Variants in TIAM1 observed in about 807,000 individuals in gnomAD.
TIAM1 encodes rho guanine nucleotide exchange factor TIAM1.
In TIAM1, 65 loss-of-function variants were observed where a neutral mutation model predicts 163.5. The observed-to-expected ratio is 0.40, with a 90% CI of 0.33 to 0.49. TIAM1 has a LOEUF of 0.49. Ranked by LOEUF, TIAM1 falls within the 20% of genes least tolerant of loss-of-function variation. The pLI is 0.77. For synonymous variants in TIAM1, 833 were observed against 810.1 expected, an observed-to-expected ratio of 1.03 and a Z score of -0.48; for missense variants, 1,789 against 2,044.7, an observed-to-expected ratio of 0.87 and a Z score of 2.41.
chr21:31,439,986 C>T (rs751000833), intron 2 of TIAM1, among the ~76,000 whole-genome samples: 1 of 152,122 alleles, frequency 6.6e-6, no homozygotes, highest in Non-Finnish European at 1.5e-5. Flanking sequence ...TCTTGATCAC[C>T]GGCAATGTAA....
At position 31,181,744 on chromosome 21, in the gene TIAM1, C is replaced by G. The variant is rs1291842086; in HGVS notation, c.2887+677G>C. ...TCTTATGTGATTCCCAGCACTTCTTCTTCTTCTTCTTCTTTTTTTTTTTTT... is the reference window on the plus strand; with the variant it reads ...TCTTATGTGATTCCCAGCACTTCTTGTTCTTCTTCTTCTTTTTTTTTTTTT... On this transcript the variant is annotated intron_variant, in intron 15 of 27. Coordinates refer to ENST00000541036, the MANE Select transcript of TIAM1 (RefSeq NM_001353694.2). Among the ~76,000 whole-genome samples the G allele has an allele frequency of 2.6e-3, 165 of 62,396 alleles. 15 individuals carry two copies. Among genetic ancestry groups the G allele is most frequent in the Admixed American group, 5.0e-3 (23 of 4,624 alleles). The allele number at this position is 62,396 out of a possible 152,430, so 40.9% of individuals were successfully genotyped here. A position where few individuals can be genotyped will look rare whatever the true frequency, so the allele number is the denominator to read the frequency against.
intron 2 of TIAM1, among the ~76,000 whole-genome samples, chr21:31,384,092 G>A (rs916763212): frequency 4.6e-5 from 7 of 152,092 alleles, no homozygotes; most frequent in Non-Finnish European, 8.8e-5. Context: ...TTCTTGTAAC[G>A]CACTCTGGGG....
chr21:31,200,241 G>GCC, intron 12 of TIAM1, among the ~76,000 whole-genome samples: 1 of 152,198 alleles, frequency 6.6e-6, no homozygotes, highest in East Asian at 1.9e-4. Context: ...GGAGGCTGAG[G>GCC]CAGGAGAATT....
At chr21:31,398,992 A>G (rs1444051534) in intron 2 of TIAM1, among the ~76,000 whole-genome samples, 2 of 152,214 alleles carry the variant, frequency 1.3e-5, no homozygotes, top group South Asian at 4.1e-4. Flanking sequence ...CTTAGCCAAC[A>G]TGGAGAAACC....
chr21:31,405,561 T>C (rs1182418944), intron 2 of TIAM1, among the ~76,000 whole-genome samples: 1 of 152,124 alleles, frequency 6.6e-6, no homozygotes, highest in African/African-American at 2.4e-5. Context: ...CAGTTCCACA[T>C]GGCTGGGGAG....
intron 1 of TIAM1, among the ~76,000 whole-genome samples, chr21:31,534,667 C>T (rs993584565): frequency 6.6e-6 from 1 of 152,068 alleles, no homozygotes; most frequent in Non-Finnish European, 1.5e-5. Context: ...GAGCAAGACT[C>T]TCTCTCAAAA....
chr21:31,476,878 AC>A (rs1254315369), intron 1 of TIAM1, among the ~76,000 whole-genome samples: 2 of 152,144 alleles, frequency 1.3e-5, no homozygotes, highest in Non-Finnish European at 2.9e-5. Context: ...TTAATCACTG[AC>A]CCATTCTGCA....
At chr21:31,419,462 C>G (rs1046912327) in intron 2 of TIAM1, among the ~76,000 whole-genome samples, 2 of 152,166 alleles carry the variant, frequency 1.3e-5, no homozygotes, top group Admixed American at 6.5e-5. Context: ...CTTGATCCTT[C>G]GGAGATACAA....
At chr21:31,393,471 A>C (rs1460824081) in intron 2 of TIAM1, among the ~76,000 whole-genome samples, 1 of 152,140 alleles carries the variant, frequency 6.6e-6, no homozygotes, top group African/African-American at 2.4e-5. Context: ...CACCCAGAAC[A>C]CGCCCAAGAG....
chr21:31,440,877 CA>C (rs781648395), intron 2 of TIAM1, among the ~76,000 whole-genome samples: 2 of 148,884 alleles, frequency 1.3e-5, no homozygotes, highest in African/African-American at 5.0e-5. Context: ...GAGACTGTTT[CA>C]AAAAAAAAGA....
At chr21:31,437,241 T>C (rs1393045531) in intron 2 of TIAM1, among the ~76,000 whole-genome samples, 1 of 152,138 alleles carries the variant, frequency 6.6e-6, no homozygotes, top group Non-Finnish European at 1.5e-5. Context: ...GTCACTAAAA[T>C]ATTATGGCTG....
chr21:31,447,928 C>G (rs2044688756), intron 2 of TIAM1, among the ~76,000 whole-genome samples: 1 of 152,072 alleles, frequency 6.6e-6, no homozygotes, highest in Admixed American at 6.6e-5. Flanking sequence ...AGTTCCAGTC[C>G]AAGGCTGAAA....
chr21:31,520,643 A>C (rs1039017170), intron 1 of TIAM1, among the ~76,000 whole-genome samples: 8 of 152,226 alleles, frequency 5.3e-5, no homozygotes, highest in African/African-American at 1.9e-4. Context: ...AATATGAATG[A>C]TCGCAAAGCG....
chr21:31,124,285 G>T, intron 27 of TIAM1: 1 of 418,844 alleles, frequency 2.4e-6, no homozygotes, highest in Non-Finnish European at 4.0e-6. Context: ...AAAGGAGAAG[G>T]GAGGCAAAGG....
chr21:31,414,406 G>T (rs1039955952), intron 2 of TIAM1, among the ~76,000 whole-genome samples: 5 of 152,172 alleles, frequency 3.3e-5, no homozygotes, highest in African/African-American at 1.2e-4. Flanking sequence ...AATCCCAAAG[G>T]ATATGAAAAG....
intron 1 of TIAM1, among the ~76,000 whole-genome samples, chr21:31,540,258 G>A (rs563243077): frequency 2.0e-5 from 3 of 150,584 alleles, no homozygotes; most frequent in East Asian, 4.0e-4. Context: ...CGTGGCATGC[G>A]CCTGTAATCC....
Position 31,154,410 on chromosome 21 carries a change from G to A in TIAM1, c.3008C>T (p.Ala1003Val), listed in dbSNP as rs1601322810. ...DHSSKSTEQV[A>V]AFCRSLHEMN... Reference sequence around the variant, plus strand: ...CTCATGCAAACTGCGGCAAAATGCGGCCACCTGTTCTGTACTCTTCGGAGC... The same window carrying A: ...CTCATGCAAACTGCGGCAAAATGCGACCACCTGTTCTGTACTCTTCGGAGC... Residue 1003 changes from alanine to valine, a missense_variant, in exon 17 of 28, where the codon GCC becomes GTC. Ala to Val is a moderately conservative substitution (Grantham distance 64). Transcript: ENST00000541036. 5 of 1,614,020 alleles carry A rather than the reference G, an allele frequency of 3.1e-6. No homozygotes were observed. Among genetic ancestry groups the A allele is most frequent in the Non-Finnish European group, 4.2e-6 (5 of 1,179,986 alleles).
chr21:31,372,483 C>A (rs991338840), intron 2 of TIAM1, among the ~76,000 whole-genome samples: 5 of 152,126 alleles, frequency 3.3e-5, no homozygotes, highest in Admixed American at 1.3e-4. Context: ...TCAGCCGGAA[C>A]CTAAGAACCA....
At chr21:31,366,639 C>G (rs540160439) in intron 2 of TIAM1, among the ~76,000 whole-genome samples, 16 of 152,092 alleles carry the variant, frequency 1.1e-4, no homozygotes, top group Non-Finnish European at 2.4e-4. Context: ...TTTTTTCAGA[C>G]AGAGTCTTGC....
Sources: gnomAD v4.1 joint callset for allele counts (sites outside exome capture counted in the v4.1 genomes callset) on GRCh38, gnomAD v4.1.1 for gene constraint, MANE v1.5 for transcripts, NCBI Gene and HGNC (gene_info 2026-07-23, HGNC 2026-07-21) for gene names.